Variants in DPP10 observed in about 807,000 individuals in gnomAD.
DPP10 encodes the protein inactive dipeptidyl peptidase 10.
In DPP10, 33 loss-of-function variants were observed where a neutral mutation model predicts 120.9. The observed-to-expected ratio is 0.27, with a 90% CI of 0.21 to 0.37. The LOEUF (loss-of-function observed/expected upper bound fraction) is 0.37. DPP10 is among the 10% of genes least tolerant of loss of function. The probability of loss-of-function intolerance (pLI) is 1.00; values close to 1 mark genes in which losing one functional copy is unlikely to be tolerated. For missense variants in DPP10, 816 were observed against 942.8 expected (o/e 0.87, Z 1.76); for synonymous variants, 337 against 326.1 (o/e 1.03, Z -0.36).
intron 1 of DPP10, among the ~76,000 whole-genome samples, chr2:114,736,309 T>C (rs1195670907): frequency 6.6e-6 from 1 of 152,096 alleles, no homozygotes; most frequent in Non-Finnish European, 1.5e-5. Context: ...CGAGTTCAAT[T>C]CTGAGTTTCT....
intron 5 of DPP10, among the ~76,000 whole-genome samples, chr2:115,668,968 T>C (rs1270520679): frequency 6.6e-6 from 1 of 152,142 alleles, no homozygotes; most frequent in African/African-American, 2.4e-5. Flanking sequence ...GTGCCCAGAA[T>C]GTATTTCAGG....
chr2:114,762,166 T>C (rs75402211), intron 1 of DPP10, among the ~76,000 whole-genome samples: 2,372 of 152,328 alleles, frequency 0.016, 80 homozygotes, highest in African/African-American at 0.054. Flanking sequence ...GGCACATTCT[T>C]AAGGTAAGGA....
intron 1 of DPP10, among the ~76,000 whole-genome samples, chr2:115,308,853 C>CAAG (rs2061468692): frequency 6.6e-6 from 1 of 151,988 alleles, no homozygotes; most frequent in African/African-American, 2.4e-5. Context: ...CGTAGTGCTT[C>CAAG]AAGAACATTT....
intron 1 of DPP10, among the ~76,000 whole-genome samples, chr2:115,219,837 T>A (rs1242428392): frequency 1.3e-5 from 2 of 152,198 alleles, no homozygotes; most frequent in African/African-American, 4.8e-5. Flanking sequence ...AATAGTACTA[T>A]CTTGCCTGGC....
At chr2:115,024,501 T>C (rs561979699) in intron 1 of DPP10, among the ~76,000 whole-genome samples, 1 of 151,752 alleles carries the variant, frequency 6.6e-6, no homozygotes, top group East Asian at 1.9e-4. Flanking sequence ...CACGTACATA[T>C]TTTTCTTATT....
chr2:115,199,745 G>A lies in DPP10; in HGVS notation c.61-109494G>A, dbSNP rs117401225. Among the ~76,000 whole-genome samples the A allele has an allele frequency of 2.8e-4, 42 of 152,168 alleles. 1 individual carries two copies. The East Asian group carries it at 6.6e-3, about 24-fold the overall frequency. Reference sequence around the variant, plus strand: ...AGAGATGATGATTTTAAAAAGATAGGCATTGTATTATGATTTGCTTTTTCT... The same window carrying A: ...AGAGATGATGATTTTAAAAAGATAGACATTGTATTATGATTTGCTTTTTCT... On this transcript the variant is annotated intron_variant, in intron 1 of 25. Coordinates refer to ENST00000410059, the MANE Select transcript of DPP10 (RefSeq NM_020868.6).
chr2:115,805,128 TG>T (rs1312048100), intron 19 of DPP10, among the ~76,000 whole-genome samples: 1 of 152,158 alleles, frequency 6.6e-6, no homozygotes, highest in Non-Finnish European at 1.5e-5. Context: ...GCCTCAGCAA[TG>T]GCAGGCGCCC....
chr2:115,641,352 T>C (rs894734643), intron 5 of DPP10, among the ~76,000 whole-genome samples: 1 of 152,158 alleles, frequency 6.6e-6, no homozygotes, highest in Non-Finnish European at 1.5e-5. Flanking sequence ...TTTCCCAGTG[T>C]CATCTCCTCA....
chr2:115,286,513 A>AT (rs1553538926), intron 1 of DPP10, among the ~76,000 whole-genome samples: 1,828 of 38,246 alleles, frequency 0.048, 83 homozygotes, highest in East Asian at 0.19. Context: ...TTACATATAT[A>AT]ATATATATAT....
intron 1 of DPP10, among the ~76,000 whole-genome samples, chr2:114,563,627 C>T (rs1042335649): frequency 6.6e-6 from 1 of 152,192 alleles, no homozygotes; most frequent in African/African-American, 2.4e-5. Flanking sequence ...GTTAACAATA[C>T]AGCCACAAAA....
At chr2:115,454,692 C>T (rs2073381010) in intron 3 of DPP10, among the ~76,000 whole-genome samples, 1 of 151,544 alleles carries the variant, frequency 6.6e-6, no homozygotes, top group Non-Finnish European at 1.5e-5. Flanking sequence ...CTCATCACTT[C>T]TATTCAACAT....
chr2:115,003,286 G>A (rs1701576201), intron 1 of DPP10, among the ~76,000 whole-genome samples: 1 of 151,700 alleles, frequency 6.6e-6, no homozygotes, highest in South Asian at 2.1e-4. Flanking sequence ...AATACTGCAT[G>A]TTCTCACTTA....
At chr2:114,748,296 C>A (rs1171814009) in intron 1 of DPP10, among the ~76,000 whole-genome samples, 1 of 140,054 alleles carries the variant, frequency 7.1e-6, no homozygotes, top group Non-Finnish European at 1.5e-5. Context: ...AAACATGCAT[C>A]TTGAGCATCC....
intron 1 of DPP10, among the ~76,000 whole-genome samples, chr2:115,158,284 C>T (rs1157942612): frequency 6.6e-6 from 1 of 152,170 alleles, no homozygotes; most frequent in Non-Finnish European, 1.5e-5. Flanking sequence ...AATTTCATAA[C>T]CCGTCCTCAA....
intron 1 of DPP10, among the ~76,000 whole-genome samples, chr2:114,579,479 A>T (rs1690319943): frequency 6.6e-6 from 1 of 152,228 alleles, no homozygotes; most frequent in African/African-American, 2.4e-5. Flanking sequence ...AAGGTTTGCA[A>T]TCTAGATTCA....
chr2:114,888,986 A>G (rs906195067), intron 1 of DPP10, among the ~76,000 whole-genome samples: 6 of 152,182 alleles, frequency 3.9e-5, no homozygotes, highest in Non-Finnish European at 5.9e-5. Flanking sequence ...CTTTAAAGAG[A>G]TAAAATGAAG....
chr2:115,751,966 T>G (rs994777529), intron 10 of DPP10, among the ~76,000 whole-genome samples: 1 of 82,208 alleles, frequency 1.2e-5, no homozygotes, highest in Non-Finnish European at 2.8e-5. Context: ...ACCCGGCTAA[T>G]TTTTTGTATT....
rs368733312 is a variant in DPP10, at chr2:114,516,084, C to T, written c.60+73246C>T. On this transcript the variant is annotated intron_variant, in intron 1 of 25. Transcript: ENST00000410059. ...CTCCTAAGTCTCTGATTCAGTGGATCTGAGGGAGCCCAAGAATTTGCATTT... is the reference window on the plus strand; with the variant it reads ...CTCCTAAGTCTCTGATTCAGTGGATTTGAGGGAGCCCAAGAATTTGCATTT... Among the ~76,000 whole-genome samples, 4 of 152,278 alleles carry T rather than the reference C, an allele frequency of 2.6e-5. No individual in the cohort carries two copies. In the East Asian group the frequency reaches 7.7e-4, roughly 29 times the overall value.
At chr2:115,506,955 A>G (rs988979288) in intron 4 of DPP10, among the ~76,000 whole-genome samples, 3 of 151,888 alleles carry the variant, frequency 2.0e-5, no homozygotes, top group Admixed American at 2.0e-4. Flanking sequence ...TTTCCATCCA[A>G]ATGTTTTCAA....
Sources: allele counts gnomAD v4.1 joint callset (sites outside exome capture counted in the v4.1 genomes callset), GRCh38; gene constraint gnomAD v4.1.1; transcripts MANE v1.5; gene names NCBI Gene and HGNC (gene_info 2026-07-23, HGNC 2026-07-21).